The following MAP7 variants were observed in gnomAD, a reference collection of about 807,000 sequenced individuals.
MAP7 encodes ensconsin.
MAP7 carries 52 observed loss-of-function variants against 94.8 expected under a neutral mutation model. The ratio of observed to expected loss-of-function variants is 0.55; its 90% CI spans 0.44 to 0.69. The LOEUF (loss-of-function observed/expected upper bound fraction) is 0.69, where lower values mean the gene tolerates loss of function less well. MAP7 is among the 30% of genes least tolerant of loss of function. The pLI is 0.00. For synonymous variants in MAP7, 350 were observed against 357.0 expected (o/e 0.98, Z 0.22); for missense variants, 940 against 964.6 (o/e 0.97, Z 0.34).
chr6:136,361,683 G>A (rs1792830077), intron 11 of MAP7, among the ~76,000 whole-genome samples: 1 of 152,178 alleles, frequency 6.6e-6, no homozygotes, highest in African/African-American at 2.4e-5. Context: ...AGTTGTGTTC[G>A]TTTGAAGAAC....
chr6:136,468,487 C>T (rs1024899825), intron 1 of MAP7, among the ~76,000 whole-genome samples: 1 of 152,058 alleles, frequency 6.6e-6, no homozygotes, highest in Non-Finnish European at 1.5e-5. Flanking sequence ...CTGATAAGCC[C>T]ATTATAAGTT....
chr6:136,347,351 TTTCTA>T (rs1787979137), intron 16 of MAP7, among the ~76,000 whole-genome samples: 1 of 152,192 alleles, frequency 6.6e-6, no homozygotes, highest in Admixed American at 6.6e-5. Context: ...AAATCCAACC[TTTCTA>T]TTGCTTTTTA....
chr6:136,455,051 A>C (rs1478183130), intron 1 of MAP7, among the ~76,000 whole-genome samples: 1 of 152,114 alleles, frequency 6.6e-6, no homozygotes, highest in East Asian at 1.9e-4. Context: ...TCATGAGTTT[A>C]GAACTACCTT....
chr6:136,433,846 T>A (rs1159892384), intron 1 of MAP7, among the ~76,000 whole-genome samples: 4 of 152,164 alleles, frequency 2.6e-5, no homozygotes. Flanking sequence ...CATGCCCACT[T>A]CAAAGCCAGA....
At chr6:136,544,923 G>A (rs539544790) in intron 1 of MAP7, among the ~76,000 whole-genome samples, 15 of 152,126 alleles carry the variant, frequency 9.9e-5, no homozygotes, top group African/African-American at 3.6e-4. Flanking sequence ...AGCAAGACCC[G>A]CCCCCCATCT....
chr6:136,423,108 T>C (rs1350061127), intron 1 of MAP7, among the ~76,000 whole-genome samples: 1 of 152,190 alleles, frequency 6.6e-6, no homozygotes, highest in Non-Finnish European at 1.5e-5. Flanking sequence ...AGAAGGTGTT[T>C]AACAAGTATT....
chr6:136,498,749 A>ATGTG (rs10634782), intron 1 of MAP7, among the ~76,000 whole-genome samples: 232 of 149,046 alleles, frequency 1.6e-3, no homozygotes, highest in African/African-American at 3.9e-3. Flanking sequence ...CTATATGGCA[A>ATGTG]TGTGTGTGTG....
At chr6:136,447,621 T>G (rs560924984) in intron 1 of MAP7, among the ~76,000 whole-genome samples, 1 of 152,328 alleles carries the variant, frequency 6.6e-6, no homozygotes, top group East Asian at 1.9e-4. Context: ...CATGTTAAAC[T>G]GTAATACTTA....
intron 3 of MAP7, among the ~76,000 whole-genome samples, chr6:136,403,466 T>G (rs1305870301): frequency 1.3e-5 from 2 of 152,150 alleles, no homozygotes; most frequent in Non-Finnish European, 2.9e-5. Flanking sequence ...GCATTCAAAC[T>G]CTGGATTGTC....
intron 7 of MAP7, among the ~76,000 whole-genome samples, chr6:136,375,291 A>G (rs75623562): frequency 3.7e-3 from 562 of 152,206 alleles, no homozygotes; most frequent in Non-Finnish European, 6.1e-3. Context: ...TGTCCCGGGG[A>G]AAAAAAGTAT....
chr6:136,372,596 T>C lies in MAP7; in HGVS notation c.781A>G (p.Lys261Glu). The stretch of plus-strand genomic sequence containing the variant: ...ATCGAATTTCTAGAGTGTGCAGCTT[T>C]GTAGGGCATGATGATGGGGCTGCAA... The part of the protein sequence containing the change: ...ASCSPIIMPY[K>E]AAHSRNSMDR... The change falls in exon 8 of 18, where the codon AAA becomes GAA. Residue 261 changes from lysine (K) to glutamate (E), a missense_variant. Lys to Glu is a moderately conservative substitution (Grantham distance 56). Transcript: ENST00000354570. The C allele has an allele frequency of 1.2e-6, 2 of 1,614,160 alleles. No individual in the cohort carries two copies. Among genetic ancestry groups the C allele is most frequent in the Admixed American group, 1.7e-5 (1 of 60,018 alleles).
At chr6:136,532,815 C>T (rs1366945578) in intron 1 of MAP7, among the ~76,000 whole-genome samples, 1 of 152,204 alleles carries the variant, frequency 6.6e-6, no homozygotes, top group African/African-American at 2.4e-5. Context: ...GTAAGCAACT[C>T]TGCGTTTCAT....
intron 10 of MAP7, 53 bp downstream of exon 10, chr6:136,365,682 C>A: frequency 6.4e-7 from 1 of 1,558,360 alleles, no homozygotes; most frequent in South Asian, 1.2e-5. Flanking sequence ...TTCATCAAAA[C>A]AGTGCGGGAG....
At chr6:136,405,139 A>C (rs9385757) in intron 3 of MAP7, among the ~76,000 whole-genome samples, 8,184 of 152,266 alleles carry the variant, frequency 0.054, 486 homozygotes, top group African/African-American at 0.14. Context: ...TCTCCACTTA[A>C]CATTAAACAA....
intron 2 of MAP7, among the ~76,000 whole-genome samples, chr6:136,414,019 G>GCGGGCGGATCA: frequency 6.6e-6 from 1 of 151,884 alleles, no homozygotes; most frequent in Non-Finnish European, 1.5e-5. Flanking sequence ...GGAGGCCGAG[G>GCGGGCGGATCA]CGGGCGGATC....
chr6:136,436,939 C>A (rs1796528836), intron 1 of MAP7, among the ~76,000 whole-genome samples: 1 of 152,088 alleles, frequency 6.6e-6, no homozygotes, highest in Non-Finnish European at 1.5e-5. Context: ...ATTAATGTGA[C>A]CACATTAAAA....
intron 10 of MAP7, among the ~76,000 whole-genome samples, chr6:136,363,535 A>G (rs906757289): frequency 6.6e-6 from 1 of 152,114 alleles, no homozygotes; most frequent in African/African-American, 2.4e-5. Flanking sequence ...GGAAACAAAT[A>G]CTGGACTCCT....
chr6:136,397,361 A>G (rs1782765596), intron 3 of MAP7, among the ~76,000 whole-genome samples: 1 of 152,212 alleles, frequency 6.6e-6, no homozygotes, highest in African/African-American at 2.4e-5. Context: ...CAAGCCTATT[A>G]GGTTTAAGAA....
At chr6:136,470,934 AATC>A (rs1808777032) in intron 1 of MAP7, among the ~76,000 whole-genome samples, 1 of 152,200 alleles carries the variant, frequency 6.6e-6, no homozygotes, top group Non-Finnish European at 1.5e-5. Context: ...TTTACACTAG[AATC>A]ATATATACTA....
Sources: gnomAD v4.1 joint callset for allele counts (sites outside exome capture counted in the v4.1 genomes callset) on GRCh38, gnomAD v4.1.1 for gene constraint, MANE v1.5 for transcripts, NCBI Gene and HGNC (gene_info 2026-07-23, HGNC 2026-07-21) for gene names.